Variants in ITCH observed in about 807,000 individuals in gnomAD.
ITCH encodes E3 ubiquitin-protein ligase Itchy homolog.
In ITCH, 28 loss-of-function variants were observed where a neutral mutation model predicts 126.8. The ratio of observed to expected loss-of-function variants is 0.22; its 90% CI spans 0.16 to 0.30. The LOEUF is 0.30. Ranked by LOEUF, ITCH falls within the 10% of genes least tolerant of loss-of-function variation. The probability of loss-of-function intolerance (pLI) is 1.00; values close to 1 mark genes in which losing one functional copy is unlikely to be tolerated. For synonymous variants in ITCH, 342 were observed against 340.0 expected, an observed-to-expected ratio of 1.01 and a Z score of -0.06; for missense variants, 631 against 1,032.4, an observed-to-expected ratio of 0.61 and a Z score of 5.33.
chr20:34,437,504 G>A (rs1043614852), intron 7 of ITCH, among the ~76,000 whole-genome samples: 4 of 152,158 alleles, frequency 2.6e-5, no homozygotes, highest in African/African-American at 9.7e-5. Context: ...ACAGGGCCTT[G>A]TCATGTTGCC....
intron 13 of ITCH, among the ~76,000 whole-genome samples, chr20:34,459,152 A>T (rs1986285419): frequency 6.6e-6 from 1 of 152,192 alleles, no homozygotes; most frequent in African/African-American, 2.4e-5. Flanking sequence ...ATAAGTTACT[A>T]GAAGTACTGA....
intron 2 of ITCH, among the ~76,000 whole-genome samples, chr20:34,372,298 G>A (rs1214996419): frequency 8.6e-6 from 1 of 116,010 alleles, no homozygotes; most frequent in Non-Finnish European, 1.7e-5. Context: ...GAGTGACAGA[G>A]GGATACTTTG....
intron 22 of ITCH, among the ~76,000 whole-genome samples, chr20:34,490,564 A>G (rs1989439736): frequency 1.3e-5 from 2 of 152,158 alleles, no homozygotes; most frequent in African/African-American, 4.8e-5. Context: ...AATCACTTGA[A>G]CCTGGAAGGC....
At chr20:34,474,831 C>T (rs1489012603) in intron 16 of ITCH, among the ~76,000 whole-genome samples, 12 of 151,846 alleles carry the variant, frequency 7.9e-5, no homozygotes, top group Admixed American at 4.6e-4. Context: ...GGGTGGCTGC[C>T]GGGTGGAGAC....
At chr20:34,364,001 T>C (rs1212083324) in intron 1 of ITCH, among the ~76,000 whole-genome samples, 1 of 151,938 alleles carries the variant, frequency 6.6e-6, no homozygotes, top group Admixed American at 6.6e-5. Flanking sequence ...CTCCGGAGAG[T>C]GCCCTTTTCT....
At chr20:34,491,539 A>G (rs547360422) in intron 22 of ITCH, among the ~76,000 whole-genome samples, 1 of 152,036 alleles carries the variant, frequency 6.6e-6, no homozygotes, top group East Asian at 1.9e-4. Flanking sequence ...GTTAAAATCG[A>G]GAATTTATGT....
In ITCH at chr20:34,438,636, G is replaced by A; in HGVS notation, c.679+5G>A. The A allele has an allele frequency of 6.2e-7, 1 of 1,613,734 alleles. No homozygotes were observed. The highest frequency in any genetic ancestry group is 8.5e-7 in the Non-Finnish European group (1 of 1,179,890). On this transcript the variant is annotated splice_donor_5th_base_variant and intron_variant, in intron 8 of 24. Transcript: ENST00000374864. ...CACCCACCCCACGTAGACCAGGTTT[G>A]TATTCCAGCTCTCAATACTCTTGGA...
chr20:34,410,647 C>T (rs565515716), intron 4 of ITCH, among the ~76,000 whole-genome samples: 20 of 152,152 alleles, frequency 1.3e-4, no homozygotes, highest in African/African-American at 4.8e-4. Context: ...AGGAGGAGTT[C>T]GAGATTAACC....
At chr20:34,374,516 TATC>T (rs887301633) in intron 2 of ITCH, among the ~76,000 whole-genome samples, 34 of 152,286 alleles carry the variant, frequency 2.2e-4, no homozygotes, top group African/African-American at 7.9e-4. Context: ...TTGTTTTCAT[TATC>T]ATCATTACCA....
chr20:34,408,420 A>G (rs1243233552), intron 3 of ITCH, among the ~76,000 whole-genome samples: 1 of 152,158 alleles, frequency 6.6e-6, no homozygotes, highest in Non-Finnish European at 1.5e-5. Flanking sequence ...TTTTGATACC[A>G]TGGAATTCTA....
At chr20:34,381,445 G>A (rs949511012) in intron 2 of ITCH, among the ~76,000 whole-genome samples, 6 of 144,142 alleles carry the variant, frequency 4.2e-5, no homozygotes, top group Non-Finnish European at 7.6e-5. Flanking sequence ...TTTTTTTTTT[G>A]AGATGGAGTC....
intron 3 of ITCH, among the ~76,000 whole-genome samples, chr20:34,403,215 C>T (rs943443910): frequency 1.3e-5 from 2 of 151,972 alleles, no homozygotes; most frequent in African/African-American, 4.8e-5. Context: ...TGTAGCTTAT[C>T]CAAAGTAGGT....
At chr20:34,364,184 A>G (rs762892248) in intron 1 of ITCH, among the ~76,000 whole-genome samples, 2 of 152,176 alleles carry the variant, frequency 1.3e-5, no homozygotes, top group Non-Finnish European at 2.9e-5. Flanking sequence ...AGTTAGTTGG[A>G]CATGTAACCA....
At chr20:34,427,657 C>A (rs1020670697) in intron 7 of ITCH, among the ~76,000 whole-genome samples, 2 of 152,084 alleles carry the variant, frequency 1.3e-5, no homozygotes, top group African/African-American at 4.8e-5. Flanking sequence ...ACATAAATAT[C>A]TGTAGACTGA....
chr20:34,391,386 G>T (rs773604225), intron 2 of ITCH, among the ~76,000 whole-genome samples: 17 of 152,102 alleles, frequency 1.1e-4, no homozygotes, highest in South Asian at 8.3e-4. Context: ...ATATCATACT[G>T]TACATACTGA....
chr20:34,405,683 C>G (rs376884252), intron 3 of ITCH, among the ~76,000 whole-genome samples: 5 of 152,210 alleles, frequency 3.3e-5, no homozygotes, highest in South Asian at 4.2e-4. Context: ...TTTCTTAGAC[C>G]AGAAATGTAT....
chr20:34,442,196 T>G lies in ITCH; in HGVS notation c.870-12T>G. On this transcript the variant is annotated splice_polypyrimidine_tract_variant and intron_variant, in intron 9 of 24. Coordinates refer to ENST00000374864, the MANE Select transcript of ITCH (RefSeq NM_031483.7). ...GCAAGTATTTTACCAGCCTTTTAATTTTGTATTTAAGTTGGGAGCAGAGAG... is the reference window on the plus strand; with the variant it reads ...GCAAGTATTTTACCAGCCTTTTAATGTTGTATTTAAGTTGGGAGCAGAGAG... The G allele has an allele frequency of 6.2e-7, 1 of 1,605,390 alleles. No homozygotes were observed. The highest frequency in any genetic ancestry group is 8.5e-7 in the Non-Finnish European group (1 of 1,172,056).
At chr20:34,477,881 C>G in intron 17 of ITCH, 21 bp downstream of exon 17, 1 of 1,612,726 alleles carries the variant, frequency 6.2e-7, no homozygotes, top group Non-Finnish European at 8.5e-7. Flanking sequence ...TATGAATACT[C>G]AGAACTTAGT....
chr20:34,368,829 A>G (rs2037514085), intron 1 of ITCH, among the ~76,000 whole-genome samples: 1 of 152,124 alleles, frequency 6.6e-6, no homozygotes. Flanking sequence ...TGACCCTTAT[A>G]GGCTGGTGTA....
Sources: gnomAD v4.1 joint callset for allele counts (sites outside exome capture counted in the v4.1 genomes callset) on GRCh38, gnomAD v4.1.1 for gene constraint, MANE v1.5 for transcripts, NCBI Gene and HGNC (gene_info 2026-07-23, HGNC 2026-07-21) for gene names.